Variants in ZMYM2 observed in about 807,000 individuals in gnomAD.
ZMYM2 encodes the protein zinc finger MYM-type protein 2.
In ZMYM2, 56 loss-of-function variants were observed where a neutral mutation model predicts 162.8. The observed-to-expected ratio is 0.34, with a 90% CI of 0.28 to 0.43. The LOEUF is 0.43. Ranked by LOEUF, ZMYM2 falls within the 20% of genes least tolerant of loss-of-function variation. The probability of loss-of-function intolerance (pLI) is 1.00; values close to 1 mark genes in which losing one functional copy is unlikely to be tolerated. For synonymous variants in ZMYM2, 510 were observed against 541.6 expected (o/e 0.94, Z 0.81); for missense variants, 1,275 against 1,621.8 (o/e 0.79, Z 3.67).
chr13:20,077,991 G>A (rs914605209), intron 21 of ZMYM2, among the ~76,000 whole-genome samples: 12 of 151,748 alleles, frequency 7.9e-5, no homozygotes, highest in African/African-American at 2.4e-4. Flanking sequence ...CTAATTTTTT[G>A]TATTTTTAGT....
At chr13:19,885,834 T>A in the ZMYM2 span, among the ~76,000 whole-genome samples, 216 of 109,842 alleles carry the variant, frequency 2.0e-3, 2 homozygotes, top group African/African-American at 6.5e-3. Context: ...GCAACAAGAG[T>A]GAAACTCTGT....
the ZMYM2 span, among the ~76,000 whole-genome samples, chr13:19,885,947 A>ATATGTGTATACACATATGTGTG: frequency 9.6e-5 from 2 of 20,872 alleles, 1 homozygote; most frequent in South Asian, 6.0e-3. Context: ...ATATATATGT[A>ATATGTGTATACACATATGTGTG]TATACACATA....
chr13:20,014,980 TG>T (rs2140106269), intron 6 of ZMYM2, among the ~76,000 whole-genome samples: 1 of 152,182 alleles, frequency 6.6e-6, no homozygotes, highest in South Asian at 2.1e-4. Context: ...AGACTGGTCT[TG>T]AACTCCTGAC....
intron 9 of ZMYM2, among the ~76,000 whole-genome samples, chr13:20,028,420 G>T (rs894630474): frequency 9.9e-5 from 15 of 152,100 alleles, no homozygotes; most frequent in African/African-American, 3.6e-4. Flanking sequence ...TTTTGATATT[G>T]TTGGATAAAC....
the ZMYM2 span, among the ~76,000 whole-genome samples, chr13:19,912,292 GTTTTTTTTTTTT>G: frequency 1.3e-5 from 1 of 75,714 alleles, no homozygotes; most frequent in Non-Finnish European, 2.5e-5. Flanking sequence ...TGTTTTTTGG[GTTTTTTTTTTTT>G]TTTTTTTTTT....
intron 14 of ZMYM2, among the ~76,000 whole-genome samples, chr13:20,058,280 A>G (rs1395363799): frequency 2.6e-5 from 4 of 152,334 alleles, no homozygotes; most frequent in South Asian, 2.1e-4. Context: ...TTGATTTTGT[A>G]CTTAAAAGTT....
At chr13:19,975,206 A>G (rs1383031341) in intron 2 of ZMYM2, among the ~76,000 whole-genome samples, 1 of 151,694 alleles carries the variant, frequency 6.6e-6, no homozygotes, top group Non-Finnish European at 1.5e-5. Context: ...TAGTAACATA[A>G]GACCATTTTT....
chr13:19,939,333 T>C, the ZMYM2 span, among the ~76,000 whole-genome samples: 1,493 of 152,156 alleles, frequency 9.8e-3, 37 homozygotes, highest in African/African-American at 0.034. Context: ...CGTAATTTTG[T>C]CTTTTGACAG....
chr13:19,869,321 CTTAAA>C, the ZMYM2 span, among the ~76,000 whole-genome samples: 1 of 151,614 alleles, frequency 6.6e-6, no homozygotes, highest in South Asian at 2.1e-4. Context: ...CTTTTTTTAA[CTTAAA>C]TTATGTTCTA....
At chr13:19,953,188 CTGT>C in the ZMYM2 span, among the ~76,000 whole-genome samples, 1 of 152,146 alleles carries the variant, frequency 6.6e-6, no homozygotes, top group African/African-American at 2.4e-5. Flanking sequence ...CTTAGGTATT[CTGT>C]TGTAGAAGCA....
the ZMYM2 span, among the ~76,000 whole-genome samples, chr13:19,893,482 A>G: frequency 6.6e-6 from 1 of 151,956 alleles, no homozygotes; most frequent in Non-Finnish European, 1.5e-5. Context: ...TCACGCCTGT[A>G]ATCCTAACAC....
At chr13:20,045,676 A>C (rs1159766806) in intron 12 of ZMYM2, among the ~76,000 whole-genome samples, 1 of 152,178 alleles carries the variant, frequency 6.6e-6, no homozygotes, top group African/African-American at 2.4e-5. Flanking sequence ...AAAGGCATTT[A>C]GTGAGTACAA....
chr13:19,919,314 G>T, the ZMYM2 span, among the ~76,000 whole-genome samples: 1 of 152,232 alleles, frequency 6.6e-6, no homozygotes, highest in South Asian at 2.1e-4. Flanking sequence ...TGGACCACTT[G>T]TACAGGTTTT....
Position 20,002,949 on chromosome 13 carries a change from A to G in ZMYM2, c.947A>G (p.Gln316Arg), listed in dbSNP as rs369904406. The G allele has an allele frequency of 6.2e-7, 1 of 1,614,182 alleles. No homozygotes were observed. Among genetic ancestry groups the G allele is most frequent in the Non-Finnish European group, 8.5e-7 (1 of 1,180,028 alleles). Residue 316 changes from glutamine to arginine, a missense_variant, in exon 4 of 25, where the codon CAG (glutamine) becomes CGG (arginine). Gln to Arg is a conservative substitution (Grantham distance 43). Transcript: ENST00000610343. Reference protein sequence around the residue: ...PVASLPKQIFQPSVQQQPTKP... With the variant: ...PVASLPKQIFRPSVQQQPTKP... Reference sequence around the variant, plus strand: ...GCCTCACTTCCTAAACAGATTTTCCAGCCGTCTGTCCAACAGCAGCCTACT... The same window carrying G: ...GCCTCACTTCCTAAACAGATTTTCCGGCCGTCTGTCCAACAGCAGCCTACT...
At chr13:19,966,209 A>G (rs1317694991) in intron 2 of ZMYM2, among the ~76,000 whole-genome samples, 1 of 151,198 alleles carries the variant, frequency 6.6e-6, no homozygotes, top group Non-Finnish European at 1.5e-5. Context: ...ATCTCGGCTC[A>G]ACGCAACCTC....
At chr13:19,877,548 T>A in the ZMYM2 span, among the ~76,000 whole-genome samples, 139 of 152,240 alleles carry the variant, frequency 9.1e-4, no homozygotes, top group Non-Finnish European at 1.5e-3. Context: ...CACTAGGCTC[T>A]GTCTTTCAAC....
chr13:19,991,079 CTGTGTGTGTG>C (rs56666919), intron 2 of ZMYM2, among the ~76,000 whole-genome samples: 7 of 59,836 alleles, frequency 1.2e-4, no homozygotes, highest in African/African-American at 1.9e-4. Context: ...TATGTATTTT[CTGTGTGTGTG>C]TGTGTGTGTG....
chr13:19,981,048 G>C (rs1282448719), intron 2 of ZMYM2, among the ~76,000 whole-genome samples: 2 of 152,060 alleles, frequency 1.3e-5, no homozygotes, highest in Non-Finnish European at 2.9e-5. Context: ...GAGGTGGGAA[G>C]ATCACTTAGG....
the ZMYM2 span, among the ~76,000 whole-genome samples, chr13:19,923,191 C>A: frequency 1.1e-4 from 14 of 125,514 alleles, no homozygotes; most frequent in African/African-American, 1.2e-4. Flanking sequence ...ACTAAATATA[C>A]AAAAAAAAAA....
Sources: allele counts gnomAD v4.1 joint callset (sites outside exome capture counted in the v4.1 genomes callset), GRCh38; gene constraint gnomAD v4.1.1; transcripts MANE v1.5; gene names NCBI Gene and HGNC (gene_info 2026-07-23, HGNC 2026-07-21).